The following TG variants were observed in gnomAD, a reference collection of about 807,000 sequenced individuals.
TG encodes the protein thyroglobulin.
Under a neutral mutation model 324.7 loss-of-function variants are expected in TG, and 270 were observed. That is an observed-to-expected ratio of 0.83 (90% CI 0.75 to 0.92). The LOEUF (loss-of-function observed/expected upper bound fraction) is 0.92. Ranked by LOEUF, TG falls within the 40% of genes least tolerant of loss-of-function variation. The pLI is 0.00. For synonymous variants in TG, 1,401 were observed against 1,327.0 expected, an observed-to-expected ratio of 1.06 and a Z score of -1.21; for missense variants, 3,591 against 3,456.4, an observed-to-expected ratio of 1.04 and a Z score of -0.98.
chr8:133,045,106 G>A, intron 41 of TG: 1 of 1,614,176 alleles, frequency 6.2e-7, no homozygotes, highest in Non-Finnish European at 8.5e-7. Context: ...CACCGACAGT[G>A]AGTAAAACCC....
chr8:133,131,625 G>GGCCA (rs1851955794), intron 45 of TG, among the ~76,000 whole-genome samples, 187 bp from the exon 46 acceptor site: 1 of 152,168 alleles, frequency 6.6e-6, no homozygotes, highest in African/African-American at 2.4e-5. Context: ...CCCCGCAAGG[G>GGCCA]GCCACTGCAC....
chr8:133,129,605 T>C (rs1045623230), intron 45 of TG, among the ~76,000 whole-genome samples: 7 of 152,124 alleles, frequency 4.6e-5, no homozygotes, highest in Admixed American at 4.6e-4. Flanking sequence ...CAAGTGATCC[T>C]CCTGCCTCAC....
intron 1 of TG, among the ~76,000 whole-genome samples, chr8:132,867,472 C>G (rs1587145119): frequency 6.7e-6 from 1 of 150,208 alleles, no homozygotes; most frequent in Non-Finnish European, 1.5e-5. Context: ...TAAGTTCTGT[C>G]TTTGGCTCAG....
At chr8:133,102,694 G>A in intron 43 of TG, 1 of 857,582 alleles carries the variant, frequency 1.2e-6, no homozygotes, top group Non-Finnish European at 1.9e-6. Flanking sequence ...TTTCTAACTG[G>A]TGAAATTGAC....
At chr8:132,872,089 T>G (rs1447082946) in intron 4 of TG, among the ~76,000 whole-genome samples, 1 of 152,156 alleles carries the variant, frequency 6.6e-6, no homozygotes, top group Non-Finnish European at 1.5e-5. Flanking sequence ...TATAAAGAAA[T>G]AAAATATTTT....
At chr8:132,954,268 G>T (rs1328289844) in intron 27 of TG, among the ~76,000 whole-genome samples, 1 of 152,108 alleles carries the variant, frequency 6.6e-6, no homozygotes, top group Admixed American at 6.5e-5. Flanking sequence ...GGGCCCTACA[G>T]TTATTAGTTA....
chr8:132,899,036 G>C lies in TG; in HGVS notation c.3330+126G>C, dbSNP rs1187992699. On this transcript the variant is annotated intron_variant, in intron 14 of 47. Transcript: ENST00000220616. ...CATGATGTTCTCAGCCTGGGTGTTT[G>C]TCTGGGCCTGCTAGAACCTGGTTCT... 5.9e-6 allele frequency: 5 copies of C among 849,086 alleles called. No homozygotes were observed. The Admixed American group carries it at 1.0e-4, about 17-fold the overall frequency. 52.6% of individuals were successfully genotyped at this position (849,086 alleles called of 1,614,324 possible). A position where few individuals can be genotyped will look rare whatever the true frequency, so the allele number is the denominator to read the frequency against.
At chr8:132,975,294 A>C (rs999031322) in intron 34 of TG, among the ~76,000 whole-genome samples, 3 of 152,236 alleles carry the variant, frequency 2.0e-5, no homozygotes, top group African/African-American at 7.2e-5. Context: ...CTCATGGAAG[A>C]ATCGGGTAAA....
chr8:133,100,910 T>C (rs1849146961), intron 43 of TG, among the ~76,000 whole-genome samples: 1 of 152,226 alleles, frequency 6.6e-6, no homozygotes, highest in Non-Finnish European at 1.5e-5. Flanking sequence ...CTTTACGTTA[T>C]CTCAACTGTA....
At chr8:132,955,641 G>C (rs885196) in intron 27 of TG, among the ~76,000 whole-genome samples, 45,963 of 152,104 alleles carry the variant, frequency 0.3, 9,328 homozygotes, top group African/African-American at 0.57. Flanking sequence ...ATTAACAAAG[G>C]CCGGTGGTGG....
At chr8:133,050,743 A>G in intron 41 of TG, 1 of 1,010,966 alleles carries the variant, frequency 9.9e-7, no homozygotes, top group East Asian at 2.4e-5. Context: ...TCTAGCTAAC[A>G]ATCAAATACT....
chr8:133,036,730 C>A (rs1385276501), intron 41 of TG: 1 of 152,570 alleles, frequency 6.6e-6, no homozygotes, highest in Non-Finnish European at 1.5e-5. Flanking sequence ...TCCCTGTGTG[C>A]CAAGGGTTAA....
intron 17 of TG, among the ~76,000 whole-genome samples, chr8:132,907,831 T>G (rs139872339): frequency 6.6e-5 from 10 of 152,268 alleles, no homozygotes; most frequent in South Asian, 2.1e-4. Context: ...AGAATACCAT[T>G]CATTCCCATC....
chr8:133,044,860 C>T, intron 41 of TG: 4 of 895,506 alleles, frequency 4.5e-6, no homozygotes, highest in Non-Finnish European at 7.2e-6. Flanking sequence ...AACGAGAGAG[C>T]ATATCATGAA....
chr8:133,039,848 G>T, intron 41 of TG: 4 of 1,372,944 alleles, frequency 2.9e-6, no homozygotes, highest in Admixed American at 2.2e-5. Context: ...CTTGTGGGGG[G>T]TGCTCACCCC....
At chr8:132,995,371 T>C in intron 35 of TG, 2 of 985,222 alleles carry the variant, frequency 2.0e-6, no homozygotes, top group Non-Finnish European at 2.4e-6. Flanking sequence ...CACAGGTCTC[T>C]AACGTGGAGG....
intron 41 of TG, chr8:133,045,197 G>C: frequency 6.6e-7 from 1 of 1,506,158 alleles, no homozygotes; most frequent in South Asian, 1.2e-5. Flanking sequence ...CCACCACTGA[G>C]GCAGGGAGAC....
chr8:132,897,711 C>T lies in TG; in HGVS notation c.3064C>T (p.Leu1022=). The change falls in exon 12 of 48, where the codon CTG becomes TTG. Residue 1022 remains leucine (L), a synonymous_variant. Transcript: ENST00000220616. ...CGACTCGGCTGGAGCATCCGCCCTT[C>T]TGCGGTCGGGCCCCTACATGCCACA... ...PDDSAGASAL[L]RSGPYMPQCD... is the part of the protein sequence containing the mutation. 6.2e-7 allele frequency: 1 copy of T among 1,614,224 alleles called. No individual in the cohort carries two copies. The highest frequency in any genetic ancestry group is 8.5e-7 in the Non-Finnish European group (1 of 1,180,038).
In TG at chr8:132,948,864, T is replaced by A; in HGVS notation, c.5322T>A (p.Asn1774Lys). 1 of 1,614,170 alleles carries A rather than the reference T, an allele frequency of 6.2e-7. No individual in the cohort carries two copies. Among genetic ancestry groups the A allele is most frequent in the Non-Finnish European group, 8.5e-7 (1 of 1,180,034 alleles). ...DWMDPSEAWA[N>K]ATCPGVTYDQ... ...TGGATCCCTCTGAAGCCTGGGCTAA[T>A]GCTACATGTCCTGGTGTGACATATG... Residue 1774 changes from asparagine (N) to lysine (K), a missense_variant, in exon 27 of 48, where the codon AAT (asparagine) becomes AAA (lysine). Asn to Lys is a moderately conservative substitution (Grantham distance 94). Coordinates refer to ENST00000220616, the MANE Select transcript of TG (RefSeq NM_003235.5).
Sources: gnomAD v4.1 joint callset for allele counts (sites outside exome capture counted in the v4.1 genomes callset) on GRCh38, gnomAD v4.1.1 for gene constraint, MANE v1.5 for transcripts, NCBI Gene and HGNC (gene_info 2026-07-23, HGNC 2026-07-21) for gene names.